ESRRG: variants seen among roughly 807,000 people sequenced by gnomAD.
ESRRG encodes estrogen-related receptor gamma.
A neutral mutation model predicts 44.0 loss-of-function variants in ESRRG; 13 were observed. The observed-to-expected ratio is 0.30, with a 90% CI of 0.19 to 0.47. ESRRG has a LOEUF of 0.47. Among genes scored for constraint, ESRRG ranks in the 20% least tolerant of loss-of-function variants. ESRRG has a pLI of 1.00. For missense variants in ESRRG, 395 were observed against 580.6 expected (o/e 0.68, Z 3.29); for synonymous variants, 215 against 214.6 (o/e 1.00, Z -0.02).
intron 3 of ESRRG, among the ~76,000 whole-genome samples, chr1:216,631,757 T>C (rs2064232527): frequency 2.0e-5 from 3 of 152,154 alleles, no homozygotes; most frequent in Admixed American, 2.0e-4. Flanking sequence ...TACACACACA[T>C]ACACACATAG....
At chr1:216,719,941 A>C (rs1278856760) in intron 1 of ESRRG, among the ~76,000 whole-genome samples, 2 of 152,026 alleles carry the variant, frequency 1.3e-5, no homozygotes, top group Non-Finnish European at 1.5e-5. Context: ...CCTTTCTATA[A>C]AAAAGGGATT....
intron 1 of ESRRG, among the ~76,000 whole-genome samples, chr1:217,134,957 T>C (rs1244496716): frequency 6.6e-6 from 1 of 152,228 alleles, no homozygotes. Context: ...TTACCTGGAA[T>C]TCAGGGACCT....
chr1:216,668,522 G>T (rs958123962), intron 2 of ESRRG, among the ~76,000 whole-genome samples: 1 of 152,064 alleles, frequency 6.6e-6, no homozygotes, highest in Non-Finnish European at 1.5e-5. Context: ...ATATTTGAAG[G>T]ACAAAAATCT....
At chr1:216,716,789 G>A (rs1052853698) in intron 1 of ESRRG, among the ~76,000 whole-genome samples, 3 of 151,856 alleles carry the variant, frequency 2.0e-5, no homozygotes, top group African/African-American at 7.2e-5. Flanking sequence ...CCAAAACCAA[G>A]TGTTTTCCTT....
chr1:216,577,794 G>T (rs942633119), intron 3 of ESRRG, among the ~76,000 whole-genome samples: 1 of 151,960 alleles, frequency 6.6e-6, no homozygotes, highest in Non-Finnish European at 1.5e-5. Context: ...AAAGGAAATA[G>T]ATGGCAGAGA....
intron 2 of ESRRG, among the ~76,000 whole-genome samples, chr1:216,676,327 T>A (rs1245896020): frequency 6.6e-6 from 1 of 152,168 alleles, no homozygotes; most frequent in African/African-American, 2.4e-5. Flanking sequence ...CTATGAAGTT[T>A]GGGGTATATA....
intron 6 of ESRRG, among the ~76,000 whole-genome samples, chr1:216,516,544 C>T (rs2044310976): frequency 1.3e-5 from 2 of 151,268 alleles, no homozygotes; most frequent in African/African-American, 4.9e-5. Flanking sequence ...GTAGGAAAAG[C>T]TAAGATACCT....
chr1:216,861,899 T>C (rs1284796137), intron 2 of ESRRG, among the ~76,000 whole-genome samples: 4 of 151,952 alleles, frequency 2.6e-5, no homozygotes, highest in Non-Finnish European at 2.9e-5. Context: ...GAATAGAAAC[T>C]TCAACAAGGA....
chr1:216,938,248 G>T (rs536187846), intron 2 of ESRRG, among the ~76,000 whole-genome samples: 1 of 152,244 alleles, frequency 6.6e-6, no homozygotes, highest in Non-Finnish European at 1.5e-5. Flanking sequence ...GCCCCTTCCT[G>T]CAATGGCATA....
intron 1 of ESRRG, among the ~76,000 whole-genome samples, chr1:216,975,165 C>T (rs35271799): frequency 0.14 from 21,932 of 152,138 alleles, 2,001 homozygotes; most frequent in East Asian, 0.21. Context: ...CCCTTACAGA[C>T]ATTTTTAATA....
At chr1:216,738,392 T>C (rs1302435606) in intron 2 of ESRRG, among the ~76,000 whole-genome samples, 2 of 152,150 alleles carry the variant, frequency 1.3e-5, no homozygotes, top group Admixed American at 1.3e-4. Flanking sequence ...GAGAAAAAAG[T>C]GAACCATAAA....
chr1:216,528,290 A>G (rs1398160029), intron 5 of ESRRG, among the ~76,000 whole-genome samples: 3 of 152,134 alleles, frequency 2.0e-5, no homozygotes, highest in Admixed American at 6.6e-5. Context: ...AGCCACTTAG[A>G]CTCTGATAAA....
In ESRRG at chr1:216,535,921, C is replaced by T. The variant is rs147187088; in HGVS notation, c.863-16500G>A. The stretch of plus-strand genomic sequence containing the variant: ...TTGCACTAAATTCATCTCCATTCCA[C>T]TAAAGTCTGGATTGCATCTCAGCTC... On this transcript the variant is annotated intron_variant, in intron 5 of 6. Transcript: ENST00000408911. Among the ~76,000 whole-genome samples, 117 of 152,220 alleles carry T rather than the reference C, an allele frequency of 7.7e-4. 3 individuals are homozygous for T. The East Asian group carries it at 0.02, about 26-fold the overall frequency.
intron 3 of ESRRG, among the ~76,000 whole-genome samples, chr1:216,570,391 C>G (rs898265324): frequency 6.6e-6 from 1 of 152,234 alleles, no homozygotes; most frequent in East Asian, 1.9e-4. Context: ...CTTTGTTTAT[C>G]TAATTTCTAA....
intron 1 of ESRRG, among the ~76,000 whole-genome samples, chr1:217,003,603 A>T (rs2077354151): frequency 6.7e-6 from 1 of 149,734 alleles, no homozygotes. Context: ...ATTAATATTA[A>T]TATTAATACT....
At chr1:217,042,258 C>A (rs553633292) in intron 1 of ESRRG, among the ~76,000 whole-genome samples, 1 of 152,122 alleles carries the variant, frequency 6.6e-6, no homozygotes, top group East Asian at 1.9e-4. Context: ...CAATGCAGAT[C>A]CTGAGTTGCT....
At chr1:216,586,048 TA>T (rs1239435664) in intron 3 of ESRRG, among the ~76,000 whole-genome samples, 2 of 61,218 alleles carry the variant, frequency 3.3e-5, no homozygotes, top group Non-Finnish European at 7.2e-5. Flanking sequence ...TCAAAATAAA[TA>T]AATTAATTAA....
At position 216,506,882 on chromosome 1, in the gene ESRRG, T is replaced by C; in HGVS notation, c.*57A>G. Reference sequence around the variant, plus strand: ...ACTCTAAGTTTCTTCGACATCACTCTTGGGTTTATTTTCCCTTTTTCAACA... The same window carrying C: ...ACTCTAAGTTTCTTCGACATCACTCCTGGGTTTATTTTCCCTTTTTCAACA... On this transcript the variant is annotated 3_prime_UTR_variant, in exon 7 of 7. Coordinates refer to ENST00000408911, the MANE Select transcript of ESRRG (RefSeq NM_001438.4). 1.3e-6 allele frequency: 2 copies of C among 1,570,360 alleles called. No individual in the cohort carries two copies. Among genetic ancestry groups the C allele is most frequent in the Non-Finnish European group, 1.7e-6 (2 of 1,160,232 alleles).
chr1:217,114,202 A>G (rs1479775018), intron 1 of ESRRG, among the ~76,000 whole-genome samples: 2 of 152,024 alleles, frequency 1.3e-5, no homozygotes, highest in Non-Finnish European at 2.9e-5. Context: ...CAACACAAAA[A>G]AAAATTCTGG....
Sources: gnomAD v4.1 joint callset for allele counts (sites outside exome capture counted in the v4.1 genomes callset) on GRCh38, gnomAD v4.1.1 for gene constraint, MANE v1.5 for transcripts, NCBI Gene and HGNC (gene_info 2026-07-23, HGNC 2026-07-21) for gene names.